GRM7: variants seen among roughly 807,000 people sequenced by gnomAD.
GRM7 encodes the protein metabotropic glutamate receptor 7.
In GRM7, 35 loss-of-function variants were observed where a neutral mutation model predicts 84.5. That is an observed-to-expected ratio of 0.41 (90% confidence interval 0.32 to 0.55). GRM7 has a LOEUF of 0.55. Ranked by LOEUF, GRM7 falls within the 20% of genes least tolerant of loss-of-function variation. The pLI is 0.19. For synonymous variants in GRM7, 487 were observed against 455.1 expected, an observed-to-expected ratio of 1.07 and a Z score of -0.89; for missense variants, 1,003 against 1,194.6, an observed-to-expected ratio of 0.84 and a Z score of 2.36.
At chr3:7,506,975 G>C (rs1700058615) in intron 7 of GRM7, among the ~76,000 whole-genome samples, 1 of 152,076 alleles carries the variant, frequency 6.6e-6, no homozygotes, top group Non-Finnish European at 1.5e-5. Context: ...TCTTTTATCA[G>C]ACAGCCTTCA....
intron 2 of GRM7, among the ~76,000 whole-genome samples, chr3:7,173,597 G>T (rs1432478110): frequency 1.3e-5 from 2 of 152,066 alleles, no homozygotes; most frequent in Admixed American, 6.6e-5. Flanking sequence ...TGCCTATTTT[G>T]GGTACCACAC....
At chr3:7,002,083 G>T (rs1278959380) in intron 1 of GRM7, among the ~76,000 whole-genome samples, 3 of 152,166 alleles carry the variant, frequency 2.0e-5, no homozygotes, top group Non-Finnish European at 2.9e-5. Flanking sequence ...CAATTTGGAA[G>T]ACTTTCTTAT....
chr3:7,257,087 T>C lies in GRM7; in HGVS notation c.737-41597T>C, dbSNP rs1164727252. ...CAATTTTAAGGTTCAGTACACTCAC[T>C]AAAATAGGTCAACCCTTAGTTAATC... On this transcript the variant is annotated intron_variant, in intron 2 of 9. Transcript: ENST00000357716. Among the ~76,000 whole-genome samples, 4 of 152,060 alleles carry C rather than the reference T, an allele frequency of 2.6e-5. No individual in the cohort carries two copies. In the East Asian group the frequency reaches 7.7e-4, roughly 29 times the overall value.
intron 2 of GRM7, among the ~76,000 whole-genome samples, chr3:7,258,216 C>T (rs73809040): frequency 0.032 from 4,916 of 152,180 alleles, 267 homozygotes; most frequent in African/African-American, 0.11. Flanking sequence ...CAGTGTTCTA[C>T]CACTGCCCCA....
chr3:7,706,149 CT>C (rs1701379743), intron 9 of GRM7, among the ~76,000 whole-genome samples: 2 of 152,164 alleles, frequency 1.3e-5, no homozygotes, highest in Admixed American at 1.3e-4. Flanking sequence ...AGATTGACTT[CT>C]ATAGCCCTAG....
At position 6,920,077 on chromosome 3, in the gene GRM7, A is replaced by G. The variant is rs369828096; in HGVS notation, c.519+58170A>G. Among the ~76,000 whole-genome samples the G allele has an allele frequency of 2.0e-5, 3 of 152,234 alleles. No individual in the cohort carries two copies. The East Asian group carries it at 5.8e-4, about 29-fold the overall frequency. Reference sequence around the variant, plus strand: ...TCTTTTGCTCTGCCAATTGATTAATATATAATACATATAACCAGCAGAAGC... The same window carrying G: ...TCTTTTGCTCTGCCAATTGATTAATGTATAATACATATAACCAGCAGAAGC... On this transcript the variant is annotated intron_variant, in intron 1 of 9. Transcript: ENST00000357716.
intron 8 of GRM7, among the ~76,000 whole-genome samples, chr3:7,655,028 G>T (rs1048898815): frequency 6.6e-6 from 1 of 152,124 alleles, no homozygotes; most frequent in East Asian, 1.9e-4. Flanking sequence ...CGTGGTTCTA[G>T]TTCTGTGAAC....
At position 7,716,378 on chromosome 3, in the gene GRM7, G is replaced by A. The variant is rs910147725; in HGVS notation, c.2699-23979G>A. On this transcript the variant is annotated intron_variant, in intron 9 of 9. Coordinates refer to ENST00000357716, the MANE Select transcript of GRM7 (RefSeq NM_000844.4). ...TCATTTCCCTTTCTTTCTGCCTACAGGGAAAATAATACTTTTCAGAATATA... is the reference window on the plus strand; with the variant it reads ...TCATTTCCCTTTCTTTCTGCCTACAAGGAAAATAATACTTTTCAGAATATA... Among the ~76,000 whole-genome samples the A allele has an allele frequency of 2.6e-5, 4 of 152,128 alleles. No individual in the cohort carries two copies. In the South Asian group the frequency reaches 8.3e-4, roughly 32 times the overall value.
chr3:7,561,780 T>A (rs1311873502), intron 7 of GRM7, among the ~76,000 whole-genome samples: 2 of 152,138 alleles, frequency 1.3e-5, no homozygotes, highest in African/African-American at 4.8e-5. Flanking sequence ...TATAAGTTTG[T>A]GAGATAGTAG....
intron 1 of GRM7, among the ~76,000 whole-genome samples, chr3:6,909,587 G>T (rs1019917849): frequency 6.6e-6 from 1 of 152,074 alleles, no homozygotes; most frequent in African/African-American, 2.4e-5. Flanking sequence ...TTGCAGGACA[G>T]AAATTAACTA....
At chr3:7,621,497 C>T (rs1425337902) in intron 8 of GRM7, among the ~76,000 whole-genome samples, 1 of 152,086 alleles carries the variant, frequency 6.6e-6, no homozygotes, top group Admixed American at 6.6e-5. Flanking sequence ...TAAAATGTGA[C>T]TTGCATTAGT....
intron 4 of GRM7, among the ~76,000 whole-genome samples, chr3:7,352,040 TCACACACACACACACACCACA>T (rs1693171899): frequency 7.6e-6 from 1 of 132,120 alleles, no homozygotes; most frequent in Non-Finnish European, 1.6e-5. Flanking sequence ...TCTCTCTCTC[TCACACACACACACACACCACA>T]CACACACACA....
chr3:7,500,048 A>G (rs1699835806), intron 7 of GRM7, among the ~76,000 whole-genome samples: 1 of 152,166 alleles, frequency 6.6e-6, no homozygotes, highest in South Asian at 2.1e-4. Flanking sequence ...TGCTGGGATT[A>G]CAGGCATGGA....
intron 7 of GRM7, among the ~76,000 whole-genome samples, chr3:7,524,188 C>G (rs1172535639): frequency 6.6e-6 from 1 of 151,080 alleles, no homozygotes; most frequent in African/African-American, 2.4e-5. Flanking sequence ...CATTACCATT[C>G]AGGACATAGG....
At chr3:7,739,018 A>C (rs1305122900) in intron 9 of GRM7, among the ~76,000 whole-genome samples, 1 of 152,060 alleles carries the variant, frequency 6.6e-6, no homozygotes, top group Admixed American at 6.5e-5. Flanking sequence ...TCATCACCAG[A>C]TTTTCCAGGA....
At position 7,388,360 on chromosome 3, in the gene GRM7, A is replaced by T. The variant is rs1227048470; in HGVS notation, c.1034-26663A>T. The stretch of plus-strand genomic sequence containing the variant: ...TCAGTTTGCTAGTATTTTGTTAAGG[A>T]TTTTTGGGTTTATGTTCATCAGTGA... On this transcript the variant is annotated intron_variant, in intron 4 of 9. Coordinates refer to ENST00000357716, the MANE Select transcript of GRM7 (RefSeq NM_000844.4). Among the ~76,000 whole-genome samples the T allele has an allele frequency of 2.0e-5, 3 of 151,904 alleles. No homozygotes were observed. In the East Asian group the frequency reaches 5.8e-4, roughly 29 times the overall value.
At chr3:7,619,032 C>A (rs571385821) in intron 8 of GRM7, among the ~76,000 whole-genome samples, 2 of 152,002 alleles carry the variant, frequency 1.3e-5, no homozygotes, top group Non-Finnish European at 2.9e-5. Flanking sequence ...TTTCCTTTGA[C>A]CATCATGCTA....
intron 9 of GRM7, among the ~76,000 whole-genome samples, chr3:7,715,024 G>A (rs1701722897): frequency 6.6e-6 from 1 of 152,208 alleles, no homozygotes; most frequent in South Asian, 2.1e-4. Context: ...GCTCTTGCAG[G>A]AACATAGACA....
At chr3:7,484,116 T>C (rs1380511097) in intron 7 of GRM7, among the ~76,000 whole-genome samples, 2 of 152,182 alleles carry the variant, frequency 1.3e-5, no homozygotes, top group Non-Finnish European at 2.9e-5. Context: ...TGAGAAAGCA[T>C]CTCCTAAAGA....
Sources: allele counts gnomAD v4.1 joint callset (sites outside exome capture counted in the v4.1 genomes callset), GRCh38; gene constraint gnomAD v4.1.1; transcripts MANE v1.5; gene names NCBI Gene and HGNC (gene_info 2026-07-23, HGNC 2026-07-21).